The following PTBP3 variants were observed in gnomAD, a reference collection of about 807,000 sequenced individuals.
The protein encoded by PTBP3 is polypyrimidine tract binding protein 3, also known as polypyrimidine tract-binding protein 3.
In PTBP3, 20 loss-of-function variants were observed where a neutral mutation model predicts 58.7. The ratio of observed to expected loss-of-function variants is 0.34; its 90% CI spans 0.24 to 0.50. The LOEUF is 0.50. PTBP3 is among the 20% of genes least tolerant of loss of function. The probability of loss-of-function intolerance (pLI) is 0.98; values close to 1 mark genes in which losing one functional copy is unlikely to be tolerated. For missense variants in PTBP3, 509 were observed against 637.2 expected (o/e 0.80, Z 2.17); for synonymous variants, 185 against 219.8 (o/e 0.84, Z 1.40).
Position 112,275,891 on chromosome 9 carries a change from G to A in PTBP3, c.157C>T (p.Pro53Ser). 3 of 1,613,810 alleles carry A rather than the reference G, an allele frequency of 1.9e-6. No homozygotes were observed. Among genetic ancestry groups the A allele is most frequent in the Non-Finnish European group, 2.5e-6 (3 of 1,179,808 alleles). Residue 53 changes from proline (P) to serine (S), a missense_variant, in exon 3 of 14, where the codon CCA becomes TCA. Transcript: ENST00000374257. ...TEAEIISLGL[P>S]FGKVTNLLML... ...AAAAGATTAGTTACTTTGCCAAATG[G>A]TAGACCTAATGATATGATCTCTGCT...
chr9:112,227,096 A>T (rs1053902382), intron 12 of PTBP3, among the ~76,000 whole-genome samples: 4 of 152,228 alleles, frequency 2.6e-5, no homozygotes, highest in African/African-American at 9.6e-5. Flanking sequence ...CATTACTTCT[A>T]CAAACAGATG....
At position 112,221,553 on chromosome 9, in the gene PTBP3, A is replaced by T; in HGVS notation, c.*2298T>A. 10 of 985,744 alleles carry T rather than the reference A, an allele frequency of 1.0e-5. No homozygotes were observed. Among genetic ancestry groups the T allele is most frequent in the Non-Finnish European group, 1.2e-5 (10 of 829,922 alleles). The allele number at this position is 985,744 out of a possible 1,614,324, so 61.1% of individuals were successfully genotyped here. A position where few individuals can be genotyped will look rare whatever the true frequency, so the allele number is the denominator to read the frequency against. On this transcript the variant is annotated 3_prime_UTR_variant, in exon 14 of 14. Coordinates refer to ENST00000374257, the MANE Select transcript of PTBP3 (RefSeq NM_001163788.4). The stretch of plus-strand genomic sequence containing the variant: ...ATAGTGCCTGTGTGGAAGGGAAAAA[A>T]AAGCAAGTTTTGGGAGATTTTGCAA...
At chr9:112,310,317 C>T (rs1829422656) in intron 1 of PTBP3, among the ~76,000 whole-genome samples, 1 of 152,194 alleles carries the variant, frequency 6.6e-6, no homozygotes, top group Admixed American at 6.5e-5. Flanking sequence ...AAAATATCAA[C>T]ACTTTTTTTG....
intron 5 of PTBP3, among the ~76,000 whole-genome samples, chr9:112,254,147 T>C (rs1263979164): frequency 6.6e-6 from 1 of 152,052 alleles, no homozygotes; most frequent in Non-Finnish European, 1.5e-5. Flanking sequence ...ATCTGGCTAA[T>C]TTTTTATTTT....
chr9:112,333,174 G>A, intron 1 of PTBP3: 1 of 1,164,210 alleles, frequency 8.6e-7, no homozygotes, highest in Non-Finnish European at 1.1e-6. Context: ...GCGGACCTCG[G>A]CACCGCGGCC....
chr9:112,225,594 A>C (rs999238119), intron 12 of PTBP3, among the ~76,000 whole-genome samples: 1 of 152,214 alleles, frequency 6.6e-6, no homozygotes, highest in Admixed American at 6.5e-5. Flanking sequence ...ATTTTATCAC[A>C]GTTTTTTTAA....
At chr9:112,306,030 C>T (rs1037112844) in intron 1 of PTBP3, among the ~76,000 whole-genome samples, 13 of 152,152 alleles carry the variant, frequency 8.5e-5, no homozygotes, top group African/African-American at 3.1e-4. Flanking sequence ...TGGGTAGCTT[C>T]GGGAATCCCC....
intron 3 of PTBP3, among the ~76,000 whole-genome samples, chr9:112,269,624 C>T (rs993413365): frequency 6.6e-6 from 1 of 152,194 alleles, no homozygotes; most frequent in African/African-American, 2.4e-5. Flanking sequence ...AAACATGAAG[C>T]ACTGCCTAAC....
At chr9:112,296,701 T>C (rs1312723575) in intron 2 of PTBP3, among the ~76,000 whole-genome samples, 1 of 152,190 alleles carries the variant, frequency 6.6e-6, no homozygotes, top group Non-Finnish European at 1.5e-5. Context: ...CATTTGGATG[T>C]TCCAAAGGAA....
rs186137255 is a variant in PTBP3, at chr9:112,314,051, T to C, written c.-51-16135A>G. On this transcript the variant is annotated intron_variant, in intron 1 of 13. Transcript: ENST00000374257. Reference sequence around the variant, plus strand: ...TAAGCACTGTATTAGGCATTCTAAGTAATCTAGAGGTGATTTAAAGTATAC... The same window carrying C: ...TAAGCACTGTATTAGGCATTCTAAGCAATCTAGAGGTGATTTAAAGTATAC... Among the ~76,000 whole-genome samples, 5 of 152,336 alleles carry C rather than the reference T, an allele frequency of 3.3e-5. No homozygotes were observed. The East Asian group carries it at 9.6e-4, about 29-fold the overall frequency.
chr9:112,231,353 A>ATTTT (rs1386724070), intron 10 of PTBP3, 27 bp downstream of exon 10: 1 of 1,552,366 alleles, frequency 6.4e-7, no homozygotes, highest in African/African-American at 1.4e-5. Flanking sequence ...CCTGTAGACA[A>ATTTT]TAATAAAATA....
At chr9:112,228,547 AAAG>A (rs1835080367) in intron 10 of PTBP3, 75 bp from the exon 11 acceptor site, 1 of 1,060,842 alleles carries the variant, frequency 9.4e-7, no homozygotes, top group Non-Finnish European at 1.3e-6. Flanking sequence ...TAATATACTT[AAAG>A]AAGGCATTTC....
At chr9:112,283,476 T>C (rs1827968926) in intron 2 of PTBP3, among the ~76,000 whole-genome samples, 1 of 152,198 alleles carries the variant, frequency 6.6e-6, no homozygotes. Context: ...TTTTGCCCCA[T>C]GCTAGAGATC....
At chr9:112,273,054 G>A (rs1357012006) in intron 3 of PTBP3, among the ~76,000 whole-genome samples, 1 of 152,196 alleles carries the variant, frequency 6.6e-6, no homozygotes, top group African/African-American at 2.4e-5. Flanking sequence ...TAAACATGAT[G>A]TATAACTGTA....
intron 5 of PTBP3, among the ~76,000 whole-genome samples, chr9:112,255,665 C>T (rs1836317479): frequency 6.6e-6 from 1 of 152,098 alleles, no homozygotes. Flanking sequence ...AACACTCTTG[C>T]CCTGGTTTAT....
intron 7 of PTBP3, among the ~76,000 whole-genome samples, chr9:112,241,032 ATAAAAT>A (rs1304444847): frequency 6.6e-6 from 1 of 152,236 alleles, no homozygotes; most frequent in Non-Finnish European, 1.5e-5. Flanking sequence ...AAAGTTAAAA[ATAAAAT>A]TAAGAGTTTA....
rs1400382426 is a variant in PTBP3 at position 112,221,067 on chromosome 9, T to C, written c.*2784A>G. On this transcript the variant is annotated 3_prime_UTR_variant, in exon 14 of 14. Transcript: ENST00000374257. Reference sequence around the variant, plus strand: ...AGACCTCTATAATTCAAACAGCAAATAGCTTAATATGGACAACATCCATGT... The same window carrying C: ...AGACCTCTATAATTCAAACAGCAAACAGCTTAATATGGACAACATCCATGT... The C allele has an allele frequency of 1.7e-5, 17 of 984,114 alleles. No homozygotes were observed. Among genetic ancestry groups the C allele is most frequent in the Admixed American group, 6.2e-5 (1 of 16,236 alleles). The allele number at this position is 984,114 out of a possible 1,614,324, so 61.0% of individuals were successfully genotyped here. A position where few individuals can be genotyped will look rare whatever the true frequency, so the allele number is the denominator to read the frequency against.
rs550227992 is a variant in PTBP3 at position 112,292,865 on chromosome 9, T to C, written c.34+4967A>G. Among the ~76,000 whole-genome samples, 14 of 152,312 alleles carry C rather than the reference T, an allele frequency of 9.2e-5. No individual in the cohort carries two copies. In the South Asian group the frequency reaches 2.7e-3, roughly 29 times the overall value. ...ACAATGTTCCTATAGTTAACATTAC[T>C]ACACTGTATACTCAAAAATGTACAA... is the stretch of plus-strand genomic sequence containing the variant. On this transcript the variant is annotated intron_variant, in intron 2 of 13. Coordinates refer to ENST00000374257, the MANE Select transcript of PTBP3 (RefSeq NM_001163788.4).
At chr9:112,291,175 T>C (rs923427973) in intron 2 of PTBP3, among the ~76,000 whole-genome samples, 3 of 152,240 alleles carry the variant, frequency 2.0e-5, no homozygotes, top group Non-Finnish European at 4.4e-5. Flanking sequence ...TGAGCCAAGA[T>C]TGTGCCATTG....
Sources: allele counts gnomAD v4.1 joint callset (sites outside exome capture counted in the v4.1 genomes callset), GRCh38; gene constraint gnomAD v4.1.1; transcripts MANE v1.5; gene names NCBI Gene and HGNC (gene_info 2026-07-23, HGNC 2026-07-21).